Variants in CABCOCO1 observed in about 807,000 individuals in gnomAD.
The protein encoded by CABCOCO1 is ciliary-associated calcium-binding coiled-coil protein 1.
Under a neutral mutation model 35.7 loss-of-function variants are expected in CABCOCO1, and 28 were observed. The ratio of observed to expected loss-of-function variants is 0.78; its 90% confidence interval spans 0.58 to 1.07. The LOEUF is 1.07. CABCOCO1 is among the 50% of genes least tolerant of loss of function. CABCOCO1 has a pLI of 0.00. For synonymous variants in CABCOCO1, 95 were observed against 100.1 expected, an observed-to-expected ratio of 0.95 and a Z score of 0.30; for missense variants, 326 against 309.2, an observed-to-expected ratio of 1.05 and a Z score of -0.41.
chr10:61,695,341 T>C (rs1049936233), intron 5 of CABCOCO1, among the ~76,000 whole-genome samples: 1 of 151,344 alleles, frequency 6.6e-6, no homozygotes, highest in Admixed American at 6.6e-5. Flanking sequence ...AAAAGCATGA[T>C]AAACACAGAA....
At chr10:61,672,502 C>T (rs758944145) in intron 1 of CABCOCO1, among the ~76,000 whole-genome samples, 130 bp from the exon 2 acceptor site, 1 of 152,134 alleles carries the variant, frequency 6.6e-6, no homozygotes, top group Admixed American at 6.5e-5. Context: ...GATACCATCT[C>T]GAAGATTGTT....
intron 5 of CABCOCO1, among the ~76,000 whole-genome samples, chr10:61,755,402 TGC>T (rs1389534407): frequency 2.0e-5 from 3 of 152,138 alleles, no homozygotes; most frequent in African/African-American, 7.2e-5. Flanking sequence ...GGAATTTCTG[TGC>T]CTTTTTTCCC....
chr10:61,747,501 C>T (rs115088786), intron 5 of CABCOCO1, among the ~76,000 whole-genome samples: 4 of 151,974 alleles, frequency 2.6e-5, no homozygotes, highest in African/African-American at 9.7e-5. Context: ...TACTAGCAAT[C>T]TGAAATATGT....
intron 2 of CABCOCO1, among the ~76,000 whole-genome samples, chr10:61,679,368 A>C (rs929451395): frequency 6.6e-6 from 1 of 151,418 alleles, no homozygotes; most frequent in African/African-American, 2.4e-5. Context: ...ATCTCCCAGG[A>C]GGGGAAACCT....
chr10:61,705,592 C>G (rs898463719), intron 5 of CABCOCO1, among the ~76,000 whole-genome samples: 3 of 152,050 alleles, frequency 2.0e-5, no homozygotes, highest in African/African-American at 7.2e-5. Context: ...AAACCAAGTA[C>G]TATAAAGGAA....
At chr10:61,682,118 A>G (rs1564533647) in intron 3 of CABCOCO1, among the ~76,000 whole-genome samples, 1 of 152,186 alleles carries the variant, frequency 6.6e-6, no homozygotes, top group Non-Finnish European at 1.5e-5. Flanking sequence ...CATGGACCTC[A>G]CATCCCAAAT....
chr10:61,708,419 C>A (rs7916973), intron 5 of CABCOCO1, among the ~76,000 whole-genome samples: 1 of 151,796 alleles, frequency 6.6e-6, no homozygotes, highest in Non-Finnish European at 1.5e-5. Flanking sequence ...CTTTTCCATT[C>A]GGGCTGCTAT....
chr10:61,759,936 C>T, intron 5 of CABCOCO1, 123 bp from the exon 6 acceptor site: 1 of 1,272,610 alleles, frequency 7.9e-7, no homozygotes, highest in Non-Finnish European at 1.1e-6. Context: ...ATCAAAAATT[C>T]AAAGGAGGTG....
chr10:61,723,816 T>A (rs1462924763), intron 5 of CABCOCO1, among the ~76,000 whole-genome samples: 1 of 152,192 alleles, frequency 6.6e-6, no homozygotes, highest in Non-Finnish European at 1.5e-5. Flanking sequence ...GGTTAAGGCT[T>A]CAACATATAA....
intron 2 of CABCOCO1, among the ~76,000 whole-genome samples, chr10:61,676,292 T>A (rs1839510082): frequency 1.3e-5 from 2 of 152,194 alleles, no homozygotes; most frequent in African/African-American, 4.8e-5. Flanking sequence ...CATTGGTGAA[T>A]TTTAAACAAC....
At chr10:61,667,631 C>G (rs572151512) in intron 1 of CABCOCO1, among the ~76,000 whole-genome samples, 16 of 151,838 alleles carry the variant, frequency 1.1e-4, no homozygotes, top group African/African-American at 3.6e-4. Context: ...ATATTTATAA[C>G]CAAGTATAAT....
chr10:61,761,396 C>G (rs1842006802), intron 7 of CABCOCO1, among the ~76,000 whole-genome samples: 2 of 152,068 alleles, frequency 1.3e-5, no homozygotes. Flanking sequence ...AACAGGCTTT[C>G]AGATCTTTGA....
chr10:61,665,517 T>C (rs1168698892), intron 1 of CABCOCO1, among the ~76,000 whole-genome samples: 1 of 151,998 alleles, frequency 6.6e-6, no homozygotes, highest in Non-Finnish European at 1.5e-5. Context: ...AGTTTATAAA[T>C]GTGTACTTGG....
intron 2 of CABCOCO1, among the ~76,000 whole-genome samples, chr10:61,680,188 T>C (rs992575453): frequency 2.0e-5 from 3 of 150,832 alleles, no homozygotes; most frequent in Non-Finnish European, 4.4e-5. Context: ...GGCGGGTACC[T>C]GTAATTCCAG....
chr10:61,727,371 G>T (rs1040131177), intron 5 of CABCOCO1, among the ~76,000 whole-genome samples: 1 of 152,036 alleles, frequency 6.6e-6, no homozygotes, highest in Non-Finnish European at 1.5e-5. Context: ...TAAATCTCAA[G>T]AATAGTTTTA....
intron 2 of CABCOCO1, among the ~76,000 whole-genome samples, chr10:61,680,564 T>TATA (rs1459150980): frequency 1.7e-4 from 3 of 17,892 alleles, no homozygotes; most frequent in Admixed American, 8.6e-4. Context: ...TAATATATAT[T>TATA]TGTATATATT....
At chr10:61,718,954 G>T (rs1165122195) in intron 5 of CABCOCO1, among the ~76,000 whole-genome samples, 1 of 152,110 alleles carries the variant, frequency 6.6e-6, no homozygotes, top group South Asian at 2.1e-4. Context: ...CAGTAAAATT[G>T]TCAAATGAAA....
intron 1 of CABCOCO1, among the ~76,000 whole-genome samples, chr10:61,665,681 A>G (rs1056262413): frequency 2.0e-5 from 3 of 151,802 alleles, no homozygotes; most frequent in African/African-American, 4.8e-5. Context: ...AGGTCAGGAG[A>G]TCGAGACCAT....
chr10:61,707,100 G>A (rs1840611127), intron 5 of CABCOCO1, among the ~76,000 whole-genome samples: 1 of 152,158 alleles, frequency 6.6e-6, no homozygotes, highest in Non-Finnish European at 1.5e-5. Flanking sequence ...GATTCGAATT[G>A]GGTTGTTCAT....
Sources: allele counts gnomAD v4.1 joint callset (sites outside exome capture counted in the v4.1 genomes callset), GRCh38; gene constraint gnomAD v4.1.1; transcripts MANE v1.5; gene names NCBI Gene and HGNC (gene_info 2026-07-23, HGNC 2026-07-21).